Variants in RASGRP1 observed in about 807,000 individuals in gnomAD.
RASGRP1 encodes the protein RAS guanyl-releasing protein 1.
A neutral mutation model predicts 95.1 loss-of-function variants in RASGRP1; 37 were observed. The ratio of observed to expected loss-of-function variants is 0.39; its 90% CI spans 0.30 to 0.51. RASGRP1 has a LOEUF of 0.51. Ranked by LOEUF, RASGRP1 falls within the 20% of genes least tolerant of loss-of-function variation. The probability of loss-of-function intolerance (pLI) is 0.80; values close to 1 mark genes in which losing one functional copy is unlikely to be tolerated. For synonymous variants in RASGRP1, 325 were observed against 353.4 expected (o/e 0.92, Z 0.90); for missense variants, 711 against 965.4 (o/e 0.74, Z 3.49).
chr15:38,527,688 G>A (rs11855910), intron 2 of RASGRP1, among the ~76,000 whole-genome samples: 88,012 of 151,996 alleles, frequency 0.58, 26,763 homozygotes, highest in Non-Finnish European at 0.68. Flanking sequence ...GGGTTATCAT[G>A]TTCACTCTGC....
intron 2 of RASGRP1, among the ~76,000 whole-genome samples, chr15:38,541,085 C>G (rs1892840594): frequency 6.6e-6 from 1 of 152,216 alleles, no homozygotes; most frequent in Admixed American, 6.5e-5. Flanking sequence ...CACACACGGG[C>G]ACTAGAAATA....
intron 15 of RASGRP1, among the ~76,000 whole-genome samples, 193 bp downstream of exon 15, chr15:38,498,601 G>T (rs915585932): frequency 1.7e-4 from 26 of 152,132 alleles, no homozygotes; most frequent in African/African-American, 5.8e-4. Context: ...CTAGGACTCT[G>T]CTATTCTCAC....
intron 15 of RASGRP1, among the ~76,000 whole-genome samples, chr15:38,497,824 T>C (rs907886896): frequency 3.3e-5 from 5 of 152,242 alleles, no homozygotes; most frequent in Non-Finnish European, 5.9e-5. Flanking sequence ...TTTGCTAGTT[T>C]ATTTCTTGAA....
At chr15:38,492,223 T>TAACA (rs1476778110) in intron 16 of RASGRP1, among the ~76,000 whole-genome samples, 1 of 152,216 alleles carries the variant, frequency 6.6e-6, no homozygotes, top group African/African-American at 2.4e-5. Context: ...CAGCACATCT[T>TAACA]AACAATAACT....
intron 2 of RASGRP1, among the ~76,000 whole-genome samples, chr15:38,536,052 A>T (rs1484794296): frequency 6.6e-6 from 1 of 152,162 alleles, no homozygotes; most frequent in Non-Finnish European, 1.5e-5. Context: ...ATGACTTCAA[A>T]CTCTAAGAGC....
intron 2 of RASGRP1, 130 bp from the exon 3 acceptor site, chr15:38,526,534 C>A: frequency 3.2e-6 from 2 of 624,692 alleles, no homozygotes; most frequent in Non-Finnish European, 2.8e-6. Flanking sequence ...CTGCCCCTAG[C>A]ACAGCCCCCC....
chr15:38,509,224 A>T (rs1227764236), intron 8 of RASGRP1, among the ~76,000 whole-genome samples: 1 of 152,210 alleles, frequency 6.6e-6, no homozygotes, highest in East Asian at 1.9e-4. Flanking sequence ...GCTCTTTGGC[A>T]TATCCAAATT....
chr15:38,552,811 A>T (rs7181246), intron 2 of RASGRP1, among the ~76,000 whole-genome samples: 1 of 152,212 alleles, frequency 6.6e-6, no homozygotes, highest in African/African-American at 2.4e-5. Context: ...AGCTGGTATG[A>T]GCCAGCCCAG....
intron 6 of RASGRP1, 116 bp downstream of exon 6, chr15:38,516,081 G>T: frequency 8.2e-7 from 1 of 1,215,826 alleles, no homozygotes; most frequent in Non-Finnish European, 1.2e-6. Context: ...TGGCAGGAAA[G>T]CCTGCCACGA....
At chr15:38,491,682 C>CA (rs1192887876) in intron 16 of RASGRP1, among the ~76,000 whole-genome samples, 1 of 152,130 alleles carries the variant, frequency 6.6e-6, no homozygotes, top group Non-Finnish European at 1.5e-5. Flanking sequence ...TTGAATTACA[C>CA]ATAGACTAGT....
At position 38,530,430 on chromosome 15, in the gene RASGRP1, CAG is replaced by C. The variant is rs528245740; in HGVS notation, c.221-4028_221-4027del. Among the ~76,000 whole-genome samples, 56 of 152,280 alleles carry C rather than the reference CAG, an allele frequency of 3.7e-4. 1 individual carries two copies. Among genetic ancestry groups the C allele is most frequent in the Admixed American group, 3.5e-3 (54 of 15,290 alleles). On this transcript the variant is annotated intron_variant, in intron 2 of 16. Transcript: ENST00000310803. The stretch of plus-strand genomic sequence containing the variant: ...CACTGACATAGAGAAGGTAAAAAGT[CAG>C]GGGGCAATAATGCAATCAAACCTAC...
intron 1 of RASGRP1, among the ~76,000 whole-genome samples, chr15:38,560,804 T>C (rs1893774142): frequency 1.3e-5 from 2 of 152,228 alleles, no homozygotes; most frequent in South Asian, 4.1e-4. Context: ...TGTGAGAGCG[T>C]TGTTCCAGCA....
intron 2 of RASGRP1, among the ~76,000 whole-genome samples, chr15:38,529,141 T>G (rs1233995409): frequency 6.6e-6 from 1 of 152,358 alleles, no homozygotes; most frequent in South Asian, 2.1e-4. Context: ...GCCACCATGA[T>G]GCAATGACTT....
At chr15:38,501,701 T>G (rs1176300281) in intron 12 of RASGRP1, among the ~76,000 whole-genome samples, 1 of 152,222 alleles carries the variant, frequency 6.6e-6, no homozygotes, top group Non-Finnish European at 1.5e-5. Context: ...TAGAATTTAT[T>G]TAACCTTGAG....
intron 2 of RASGRP1, among the ~76,000 whole-genome samples, chr15:38,549,433 A>C (rs1430362933): frequency 6.6e-6 from 1 of 152,218 alleles, no homozygotes; most frequent in Non-Finnish European, 1.5e-5. Flanking sequence ...GTTCCCCCTT[A>C]AAATGAGGCT....
At chr15:38,513,174 A>G (rs1158244336) in intron 6 of RASGRP1, among the ~76,000 whole-genome samples, 4 of 152,356 alleles carry the variant, frequency 2.6e-5, no homozygotes, top group South Asian at 4.1e-4. Flanking sequence ...ATTTCTCTAC[A>G]TCGAAAGTTA....
In RASGRP1 at chr15:38,501,292, C is replaced by A. The variant is rs375298889; in HGVS notation, c.1539-5G>T. On this transcript the variant is annotated splice_polypyrimidine_tract_variant and splice_region_variant and intron_variant, in intron 12 of 16. Coordinates refer to ENST00000310803, the MANE Select transcript of RASGRP1 (RefSeq NM_005739.4). ...TCCCTGCTGATGAGGCCTTCCCTGC[C>A]GGCAGATGACCAAGGCAAGGATGTG... The A allele has an allele frequency of 3.1e-6, 5 of 1,612,856 alleles. No individual in the cohort carries two copies. Among genetic ancestry groups the A allele is most frequent in the Non-Finnish European group, 4.2e-6 (5 of 1,179,232 alleles).
At chr15:38,557,627 G>A (rs867749823) in intron 2 of RASGRP1, among the ~76,000 whole-genome samples, 2 of 147,846 alleles carry the variant, frequency 1.4e-5, no homozygotes, top group African/African-American at 5.3e-5. Flanking sequence ...GTGTGTGTGT[G>A]TGTATATATA....
intron 1 of RASGRP1, 94 bp downstream of exon 1, chr15:38,564,500 T>A: frequency 9.6e-7 from 1 of 1,038,544 alleles, no homozygotes; most frequent in South Asian, 3.7e-5. Context: ...CCCTCCGCCC[T>A]CAACTTCCCT....
Sources: gnomAD v4.1 joint callset for allele counts (sites outside exome capture counted in the v4.1 genomes callset) on GRCh38, gnomAD v4.1.1 for gene constraint, MANE v1.5 for transcripts, NCBI Gene and HGNC (gene_info 2026-07-23, HGNC 2026-07-21) for gene names.